COBL: variants seen among roughly 807,000 people sequenced by gnomAD.
The protein encoded by COBL is cordon-bleu WH2 repeat protein, also known as protein cordon-bleu.
Under a neutral mutation model 98.8 loss-of-function variants are expected in COBL, and 51 were observed. That is an observed-to-expected ratio of 0.52 (90% CI 0.41 to 0.65). The LOEUF is 0.65. COBL is among the 30% of genes least tolerant of loss of function. The pLI, the probability that COBL is intolerant of heterozygous loss-of-function variation, is 0.00. For missense variants in COBL, 1,617 were observed against 1,617.5 expected (o/e 1.00, Z 0.01); for synonymous variants, 634 against 651.7 (o/e 0.97, Z 0.41).
At chr7:51,262,849 C>A (rs1797837637) in intron 1 of COBL, among the ~76,000 whole-genome samples, 1 of 152,086 alleles carries the variant, frequency 6.6e-6, no homozygotes, top group Non-Finnish European at 1.5e-5. Flanking sequence ...TACCAGCAAC[C>A]CCTGGTAGGA....
chr7:51,210,002 C>T (rs1792257878), intron 2 of COBL, among the ~76,000 whole-genome samples: 1 of 152,200 alleles, frequency 6.6e-6, no homozygotes, highest in African/African-American at 2.4e-5. Flanking sequence ...AATGATCCCA[C>T]CTGGCCACGG....
intron 2 of COBL, among the ~76,000 whole-genome samples, chr7:51,208,062 G>A (rs1381980979): frequency 6.7e-6 from 1 of 150,296 alleles, no homozygotes; most frequent in African/African-American, 2.5e-5. Context: ...CTGAGATGTG[G>A]GGAGCGCCTC....
chr7:51,206,604 C>G (rs1352212028), intron 2 of COBL, among the ~76,000 whole-genome samples: 1 of 151,940 alleles, frequency 6.6e-6, no homozygotes, highest in Admixed American at 6.6e-5. Context: ...TCACAATAGC[C>G]AAGAAGTGGA....
rs186853418 is a variant in COBL at position 51,031,062 on chromosome 7, C to T, written c.1407-153G>A. On this transcript the variant is annotated intron_variant, in intron 8 of 12. Transcript: ENST00000265136. ...GCTGTTGTCCTCAGAACTACGGAGA[C>T]GCAGATTGTTCATGGGTGTGTGTGT... 1.4e-5 allele frequency: 9 copies of T among 630,272 alleles called. 1 individual carries two copies. Among genetic ancestry groups the T allele is most frequent in the Admixed American group, 7.8e-5 (3 of 38,648 alleles). The allele number at this position is 630,272 out of a possible 1,614,324, so 39.0% of individuals were successfully genotyped here. A position where few individuals can be genotyped will look rare whatever the true frequency, so the allele number is the denominator to read the frequency against.
chr7:51,148,251 G>C (rs1785231267), intron 5 of COBL, among the ~76,000 whole-genome samples: 1 of 152,090 alleles, frequency 6.6e-6, no homozygotes, highest in Admixed American at 6.5e-5. Flanking sequence ...GAGTGACTGG[G>C]GGGTGGGCTA....
chr7:51,061,669 T>G (rs903328286), intron 7 of COBL, among the ~76,000 whole-genome samples: 1 of 152,122 alleles, frequency 6.6e-6, no homozygotes, highest in African/African-American at 2.4e-5. Flanking sequence ...GTAAGGAAGA[T>G]GTGCCCTTAC....
chr7:51,292,448 AC>A (rs1180762640), intron 1 of COBL, among the ~76,000 whole-genome samples: 1 of 152,248 alleles, frequency 6.6e-6, no homozygotes, highest in Non-Finnish European at 1.5e-5. Context: ...ACATTAAAAA[AC>A]GTCCATCAGA....
intron 1 of COBL, among the ~76,000 whole-genome samples, chr7:51,304,278 G>T (rs1384454756): frequency 6.6e-6 from 1 of 152,158 alleles, no homozygotes; most frequent in Non-Finnish European, 1.5e-5. Context: ...TCACAGGCAG[G>T]TCCAGCCTTC....
In COBL at chr7:51,060,070, TC is replaced by T. The variant is rs578204556; in HGVS notation, c.1097-16379del. On this transcript the variant is annotated intron_variant, in intron 7 of 12. Transcript: ENST00000265136. ...TCCATGAGTCGATCTGATCTCGTCT[TC>T]AGTGCACACGCTTCACCCTGGCTGT... 5.3e-5 allele frequency among the ~76,000 whole-genome samples: 8 copies of T among 152,242 alleles called. No individual in the cohort carries two copies. In the South Asian group the frequency reaches 1.7e-3, roughly 32 times the overall value.
intron 1 of COBL, among the ~76,000 whole-genome samples, chr7:51,262,583 G>A (rs112049005): frequency 2.7e-4 from 41 of 152,302 alleles, no homozygotes; most frequent in African/African-American, 7.9e-4. Flanking sequence ...GACAGGCAGC[G>A]CCAAGTCGCC....
At chr7:51,095,975 G>C (rs1795238084) in intron 6 of COBL, among the ~76,000 whole-genome samples, 1 of 152,120 alleles carries the variant, frequency 6.6e-6, no homozygotes. Context: ...ATAATGAATA[G>C]ATTAACCAGA....
At chr7:51,079,252 T>C (rs943457455) in intron 7 of COBL, among the ~76,000 whole-genome samples, 1 of 152,108 alleles carries the variant, frequency 6.6e-6, no homozygotes, top group Non-Finnish European at 1.5e-5. Flanking sequence ...CTTTCTCAAG[T>C]ATAACTGCAA....
intron 1 of COBL, among the ~76,000 whole-genome samples, chr7:51,315,951 G>A (rs1435675153): frequency 1.3e-5 from 2 of 151,932 alleles, no homozygotes; most frequent in African/African-American, 4.9e-5. Context: ...CCTCAGGCCT[G>A]GCCCCACTAG....
At chr7:51,215,051 G>A (rs575857202) in intron 2 of COBL, among the ~76,000 whole-genome samples, 5 of 152,062 alleles carry the variant, frequency 3.3e-5, no homozygotes, top group Admixed American at 6.5e-5. Flanking sequence ...AGTGCCTCAC[G>A]AAAGTTAGCA....
chr7:51,136,331 C>A lies in COBL; in HGVS notation c.784G>T (p.Gly262Cys). 6.2e-7 allele frequency: 1 copy of A among 1,609,958 alleles called. No individual in the cohort carries two copies. Among genetic ancestry groups the A allele is most frequent in the Non-Finnish European group, 8.5e-7 (1 of 1,178,744 alleles). The change falls in exon 6 of 13, where the codon GGC becomes TGC. Residue 262 changes from glycine (G) to cysteine (C), a missense_variant and splice_region_variant. Around this residue, in one of 3 missense-constraint regions of COBL, gnomAD observed 75 missense variants for 120.5 expected, o/e 0.62. Transcript: ENST00000265136. ...GGGGAGTTGGGGGTCGTTAAACAGC[C>A]CTGTTGGGGAAGAGACAAACAGAAA... Reference protein sequence around the residue: ...FKVNKRSNSKGCLTTPNSPSM... With the variant: ...FKVNKRSNSKCCLTTPNSPSM...
chr7:51,176,014 TAC>T (rs1431760946), intron 5 of COBL, among the ~76,000 whole-genome samples: 2 of 152,182 alleles, frequency 1.3e-5, no homozygotes, highest in East Asian at 1.9e-4. Context: ...GGACCTTGTA[TAC>T]AGACGGTCAG....
chr7:51,199,838 A>G (rs1476209192), intron 2 of COBL, among the ~76,000 whole-genome samples: 1 of 152,122 alleles, frequency 6.6e-6, no homozygotes, highest in African/African-American at 2.4e-5. Flanking sequence ...ACACCATCAA[A>G]GTGGTGGAAA....
In COBL at chr7:51,017,496, GA is replaced by G. The variant is rs1786386292; in HGVS notation, c.*54del. 21 of 1,587,918 alleles carry G rather than the reference GA, an allele frequency of 1.3e-5. No individual in the cohort carries two copies. The highest frequency in any genetic ancestry group is 1.7e-5 in the Admixed American group (1 of 59,970). ...TCCTGGCTATGCAGACTCCTTGAGT[GA>G]CGCCTGTGGGCATATTACAGGTGGG... On this transcript the variant is annotated 3_prime_UTR_variant, in exon 13 of 13. Transcript: ENST00000265136.
intron 5 of COBL, among the ~76,000 whole-genome samples, chr7:51,157,327 C>T (rs1207744163): frequency 6.6e-6 from 1 of 152,220 alleles, no homozygotes; most frequent in Admixed American, 6.5e-5. Context: ...GAGTCAAGAT[C>T]ATGCCACTGC....
Sources: gnomAD v4.1 joint callset for allele counts (sites outside exome capture counted in the v4.1 genomes callset) on GRCh38, gnomAD v4.1.1 for gene constraint, gnomAD v4.1.1 regional missense constraint, MANE v1.5 for transcripts, NCBI Gene and HGNC (gene_info 2026-07-23, HGNC 2026-07-21) for gene names.